Variants in MRAP2 observed in about 807,000 individuals in gnomAD.
MRAP2 encodes the protein melanocortin 2 receptor accessory protein 2, also known as melanocortin-2 receptor accessory protein 2.
Under a neutral mutation model 17.4 loss-of-function variants are expected in MRAP2, and 20 were observed. That is an observed-to-expected ratio of 1.15 (90% CI 0.81 to 1.67). The LOEUF is 1.67. MRAP2 is among the 40% of genes most tolerant of loss of function. The pLI is 0.00. For synonymous variants in MRAP2, 96 were observed against 88.4 expected, an observed-to-expected ratio of 1.09 and a Z score of -0.48; for missense variants, 238 against 240.0, an observed-to-expected ratio of 0.99 and a Z score of 0.05.
chr6:84,132,882 C>T, the MRAP2 span, among the ~76,000 whole-genome samples: 49 of 152,056 alleles, frequency 3.2e-4, no homozygotes, highest in Non-Finnish European at 6.2e-4. Context: ...CAGCTTTATT[C>T]CAAAGGAACA....
At chr6:84,099,211 T>C in the MRAP2 span, among the ~76,000 whole-genome samples, 1 of 150,674 alleles carries the variant, frequency 6.6e-6, no homozygotes, top group Non-Finnish European at 1.5e-5. Context: ...TATGGATATC[T>C]AATCGTTCCA....
chr6:84,042,524 C>G (rs2099487858), intron 1 of MRAP2, among the ~76,000 whole-genome samples: 1 of 152,166 alleles, frequency 6.6e-6, no homozygotes, highest in South Asian at 2.1e-4. Context: ...TATTGATGCT[C>G]CAGGAAGATG....
chr6:84,095,827 G>A (rs566361123), downstream of MRAP2, among the ~76,000 whole-genome samples: 37 of 152,332 alleles, frequency 2.4e-4, 1 homozygote, highest in South Asian at 7.3e-3. Context: ...CGAGGCAGAT[G>A]TGTGTGAGTG....
At chr6:84,105,305 A>C in the MRAP2 span, among the ~76,000 whole-genome samples, 2 of 152,170 alleles carry the variant, frequency 1.3e-5, no homozygotes, top group Non-Finnish European at 2.9e-5. Context: ...TTTACAAAAG[A>C]AAGAGGTTTA....
downstream of MRAP2, among the ~76,000 whole-genome samples, chr6:84,092,965 C>T: frequency 6.6e-6 from 1 of 152,184 alleles, no homozygotes; most frequent in South Asian, 2.1e-4. Flanking sequence ...AGCTGCAAGG[C>T]CTGGAAATAG....
intron 1 of MRAP2, among the ~76,000 whole-genome samples, chr6:84,036,454 T>C (rs897772122): frequency 6.6e-6 from 1 of 152,098 alleles, no homozygotes; most frequent in Admixed American, 6.5e-5. Context: ...TTCTTAAAGA[T>C]GGTGTGTTCT....
chr6:84,100,998 A>G, the MRAP2 span, among the ~76,000 whole-genome samples: 2 of 152,130 alleles, frequency 1.3e-5, no homozygotes, highest in African/African-American at 4.8e-5. Context: ...TATTATTTCT[A>G]TTGACACTAA....
At chr6:84,082,959 C>G (rs2099499381) in intron 3 of MRAP2, among the ~76,000 whole-genome samples, 1 of 152,076 alleles carries the variant, frequency 6.6e-6, no homozygotes, top group Non-Finnish European at 1.5e-5. Flanking sequence ...ACCCCTTCCC[C>G]TTTTCCCCTC....
the MRAP2 span, among the ~76,000 whole-genome samples, chr6:84,129,335 G>GAA: frequency 6.6e-6 from 1 of 151,988 alleles, no homozygotes; most frequent in African/African-American, 2.4e-5. Context: ...CTATTTCTCC[G>GAA]CATCCTCTCC....
the MRAP2 span, among the ~76,000 whole-genome samples, chr6:84,107,485 T>C: frequency 2.0e-5 from 3 of 152,228 alleles, no homozygotes; most frequent in Non-Finnish European, 2.9e-5. Flanking sequence ...CTACTTCTTC[T>C]TCATTGGATC....
At chr6:84,125,302 C>T in the MRAP2 span, 1 of 1,591,412 alleles carries the variant, frequency 6.3e-7, no homozygotes, top group Non-Finnish European at 8.6e-7. Flanking sequence ...TTCCACATTG[C>T]TGTTATAGTT....
the MRAP2 span, among the ~76,000 whole-genome samples, chr6:84,104,586 C>T: frequency 1.2e-4 from 19 of 152,214 alleles, no homozygotes; most frequent in Admixed American, 4.6e-4. Flanking sequence ...TTTCTTCCAT[C>T]GGCTGGGCGC....
At chr6:84,135,036 T>C in the MRAP2 span, among the ~76,000 whole-genome samples, 3 of 152,218 alleles carry the variant, frequency 2.0e-5, no homozygotes, top group African/African-American at 7.2e-5. Context: ...TATTTGCATA[T>C]GTACACACAT....
the MRAP2 span, among the ~76,000 whole-genome samples, chr6:84,114,565 A>G: frequency 6.6e-6 from 1 of 151,996 alleles, no homozygotes; most frequent in African/African-American, 2.4e-5. Flanking sequence ...CACCTTCTGA[A>G]GCCTACTTCT....
At chr6:84,062,445 C>A in intron 2 of MRAP2, 1 of 752,412 alleles carries the variant, frequency 1.3e-6, no homozygotes, top group Non-Finnish European at 1.6e-6. Context: ...CTTCCCGGTT[C>A]AAGAATTTTG....
At chr6:84,112,452 C>G in the MRAP2 span, among the ~76,000 whole-genome samples, 1 of 151,928 alleles carries the variant, frequency 6.6e-6, no homozygotes, top group Non-Finnish European at 1.5e-5. Flanking sequence ...TGGTGATATC[C>G]CCTTTATCAT....
chr6:84,037,448 G>A (rs181263778), intron 1 of MRAP2, among the ~76,000 whole-genome samples: 1,888 of 152,346 alleles, frequency 0.012, 44 homozygotes, highest in African/African-American at 0.043. Flanking sequence ...CATGGGCGGA[G>A]CTGCCCACCA....
the MRAP2 span, among the ~76,000 whole-genome samples, chr6:84,125,448 G>A: frequency 6.6e-6 from 1 of 152,078 alleles, no homozygotes; most frequent in Non-Finnish European, 1.5e-5. Context: ...CATCCCAACT[G>A]TGTTAGGGAC....
chr6:84,075,829 C>T (rs570802150), intron 3 of MRAP2, among the ~76,000 whole-genome samples: 29 of 152,144 alleles, frequency 1.9e-4, no homozygotes, highest in African/African-American at 6.5e-4. Flanking sequence ...AGCAATTTAC[C>T]TGAATATGGC....
Sources: allele counts gnomAD v4.1 joint callset (sites outside exome capture counted in the v4.1 genomes callset), GRCh38; gene constraint gnomAD v4.1.1; transcripts MANE v1.5; gene names NCBI Gene and HGNC (gene_info 2026-07-23, HGNC 2026-07-21).